WDR41: variants seen among roughly 807,000 people sequenced by gnomAD.
WDR41 encodes WD repeat-containing protein 41.
WDR41 carries 63 observed loss-of-function variants against 69.3 expected under a neutral mutation model. The ratio of observed to expected loss-of-function variants is 0.91; its 90% CI spans 0.74 to 1.12. WDR41 has a LOEUF of 1.12. Among genes scored for constraint, WDR41 ranks in the 50% most tolerant of loss-of-function variants. The pLI is 0.00. For missense variants in WDR41, 543 were observed against 534.5 expected (o/e 1.02, Z -0.16); for synonymous variants, 185 against 192.1 (o/e 0.96, Z 0.31).
chr5:77,554,949 T>C (rs1264396662), intron 1 of WDR41, among the ~76,000 whole-genome samples: 1 of 151,934 alleles, frequency 6.6e-6, no homozygotes, highest in Non-Finnish European at 1.5e-5. Flanking sequence ...AAAAATTAAC[T>C]GGGCACAGTG....
intron 1 of WDR41, among the ~76,000 whole-genome samples, chr5:77,504,539 C>G (rs773723989): frequency 1.3e-5 from 2 of 152,276 alleles, no homozygotes; most frequent in Middle Eastern, 3.4e-3. Flanking sequence ...CCAGCATCAT[C>G]CTGATACCAA....
At chr5:77,587,465 C>A (rs1744061279) in intron 1 of WDR41, among the ~76,000 whole-genome samples, 1 of 152,192 alleles carries the variant, frequency 6.6e-6, no homozygotes, top group Non-Finnish European at 1.5e-5. Flanking sequence ...CTCTCACCAG[C>A]AGTACGACAG....
intron 1 of WDR41, among the ~76,000 whole-genome samples, chr5:77,510,516 G>A (rs1217081882): frequency 6.6e-6 from 1 of 152,094 alleles, no homozygotes; most frequent in Non-Finnish European, 1.5e-5. Context: ...AAGAATGAAG[G>A]GAGGATTGGC....
intron 1 of WDR41, among the ~76,000 whole-genome samples, chr5:77,499,960 T>C (rs1801992060): frequency 8.8e-6 from 1 of 113,954 alleles, no homozygotes; most frequent in Non-Finnish European, 1.8e-5. Flanking sequence ...GTTAATTGCT[T>C]GTTAAAAAAA....
intron 11 of WDR41, 132 bp from the exon 12 acceptor site, chr5:77,436,526 A>G: frequency 9.4e-7 from 1 of 1,069,030 alleles, no homozygotes. Flanking sequence ...GTACCTGAGC[A>G]CCGTGCTAGG....
intron 1 of WDR41, among the ~76,000 whole-genome samples, chr5:77,563,761 T>C (rs919302700): frequency 2.0e-5 from 3 of 152,218 alleles, no homozygotes; most frequent in African/African-American, 7.2e-5. Flanking sequence ...ATTATTTTTA[T>C]ATTAAAATAA....
intron 1 of WDR41, among the ~76,000 whole-genome samples, chr5:77,569,319 A>G (rs759682971): frequency 1.3e-5 from 2 of 152,198 alleles, no homozygotes; most frequent in Non-Finnish European, 2.9e-5. Context: ...TGGGCTTTAC[A>G]TAGTTTAAAG....
intron 1 of WDR41, among the ~76,000 whole-genome samples, chr5:77,559,054 A>G (rs981834685): frequency 6.6e-6 from 1 of 152,198 alleles, no homozygotes; most frequent in Non-Finnish European, 1.5e-5. Context: ...AGGAGAGCTC[A>G]AGAATAAATA....
intron 1 of WDR41, among the ~76,000 whole-genome samples, chr5:77,535,282 A>G (rs1742952752): frequency 6.6e-6 from 1 of 152,166 alleles, no homozygotes; most frequent in Admixed American, 6.5e-5. Context: ...CCTTCTGCAC[A>G]GAACACTCCA....
intron 1 of WDR41, among the ~76,000 whole-genome samples, chr5:77,560,848 G>A (rs1423613173): frequency 2.0e-5 from 3 of 152,016 alleles, no homozygotes; most frequent in Non-Finnish European, 2.9e-5. Context: ...GATTTGATAG[G>A]GTTCACCAGC....
In WDR41 at chr5:77,564,042, A is replaced by G. The variant is rs563843259; in HGVS notation, c.42+56437T>C. On this transcript the variant is annotated intron_variant, in intron 1 of 5. Transcript: ENST00000509971. ...TATGAGTGTGAATGTTCTCATCTAT[A>G]AAATATGCATAATACCTACCTTTTC... 3.9e-5 allele frequency among the ~76,000 whole-genome samples: 6 copies of G among 152,304 alleles called. No homozygotes were observed. In the East Asian group the frequency reaches 1.2e-3, roughly 29 times the overall value.
chr5:77,507,367 T>G (rs1561209689), intron 1 of WDR41, among the ~76,000 whole-genome samples: 1 of 152,232 alleles, frequency 6.6e-6, no homozygotes, highest in Non-Finnish European at 1.5e-5. Context: ...GGCAACCACT[T>G]TCAAGGCTGT....
chr5:77,467,836 TA>T (rs1252957315), intron 2 of WDR41, among the ~76,000 whole-genome samples: 2 of 151,958 alleles, frequency 1.3e-5, no homozygotes, highest in Non-Finnish European at 2.9e-5. Context: ...CCACAAAAAA[TA>T]GAAACTTAAA....
intron 2 of WDR41, among the ~76,000 whole-genome samples, chr5:77,468,352 G>C (rs1207076374): frequency 6.6e-6 from 1 of 152,106 alleles, no homozygotes; most frequent in Non-Finnish European, 1.5e-5. Flanking sequence ...ATAGGGTCTA[G>C]ATCATGAGTC....
chr5:77,518,337 G>C (rs1461431301), intron 1 of WDR41, among the ~76,000 whole-genome samples: 1 of 152,072 alleles, frequency 6.6e-6, no homozygotes, highest in African/African-American at 2.4e-5. Context: ...GAAATATCTT[G>C]ATAATGTAGA....
chr5:77,460,876 G>T (rs1407504656), intron 4 of WDR41, among the ~76,000 whole-genome samples: 3 of 152,100 alleles, frequency 2.0e-5, no homozygotes. Context: ...TGGATTTTCA[G>T]ATTAGGGATG....
At chr5:77,528,075 G>A (rs1395303967) in intron 1 of WDR41, among the ~76,000 whole-genome samples, 2 of 151,550 alleles carry the variant, frequency 1.3e-5, no homozygotes, top group African/African-American at 4.8e-5. Context: ...ATCGAAATTA[G>A]TAAAACATTA....
At chr5:77,549,671 A>T (rs547114782) in intron 1 of WDR41, among the ~76,000 whole-genome samples, 26 of 152,344 alleles carry the variant, frequency 1.7e-4, no homozygotes, top group African/African-American at 6.0e-4. Flanking sequence ...TGGAAGAATC[A>T]ATATTATTAA....
chr5:77,544,754 C>G (rs1157226538), intron 1 of WDR41, among the ~76,000 whole-genome samples: 1 of 152,056 alleles, frequency 6.6e-6, no homozygotes, highest in Non-Finnish European at 1.5e-5. Context: ...CAGCCCTAGA[C>G]AGGTCATCAA....
Sources: gnomAD v4.1 joint callset for allele counts (sites outside exome capture counted in the v4.1 genomes callset) on GRCh38, gnomAD v4.1.1 for gene constraint, MANE v1.5 for transcripts, NCBI Gene and HGNC (gene_info 2026-07-23, HGNC 2026-07-21) for gene names.